BRINP1: variants seen among roughly 807,000 people sequenced by gnomAD.
BRINP1 encodes BMP/retinoic acid inducible neural specific 1.
In BRINP1, 17 loss-of-function variants were observed where a neutral mutation model predicts 72.9. The ratio of observed to expected loss-of-function variants is 0.23; its 90% CI spans 0.16 to 0.35. The LOEUF (loss-of-function observed/expected upper bound fraction) is 0.35, where lower values mean the gene tolerates loss of function less well. Among genes scored for constraint, BRINP1 ranks in the 10% least tolerant of loss-of-function variants. The pLI, the probability that BRINP1 is intolerant of heterozygous loss-of-function variation, is 1.00. For synonymous variants in BRINP1, 418 were observed against 378.5 expected, an observed-to-expected ratio of 1.10 and a Z score of -1.21; for missense variants, 850 against 1,001.6, an observed-to-expected ratio of 0.85 and a Z score of 2.04.
intron 1 of BRINP1, among the ~76,000 whole-genome samples, chr9:119,329,289 C>G (rs374109839): frequency 6.6e-6 from 1 of 152,134 alleles, no homozygotes; most frequent in Non-Finnish European, 1.5e-5. Flanking sequence ...CAGGTCCCTA[C>G]TGAAATCAGG....
At chr9:119,234,507 A>G (rs1204611613) in intron 5 of BRINP1, among the ~76,000 whole-genome samples, 2 of 152,096 alleles carry the variant, frequency 1.3e-5, no homozygotes, top group Admixed American at 6.6e-5. Context: ...AAAAATATGT[A>G]TATTCTGTAT....
chr9:119,167,883 T>C lies in BRINP1; in HGVS notation c.1487A>G (p.Asp496Gly), dbSNP rs1297106902. The C allele has an allele frequency of 1.2e-6, 2 of 1,613,960 alleles. No individual in the cohort carries two copies. The highest frequency in any genetic ancestry group is 1.7e-6 in the Non-Finnish European group (2 of 1,179,982). Residue 496 changes from aspartate to glycine, a missense_variant, in exon 8 of 8, where the codon GAC becomes GGC. By Grantham distance (94) the Asp-to-Gly change is moderately conservative (BLOSUM62 -1). Coordinates refer to ENST00000265922, the MANE Select transcript of BRINP1 (RefSeq NM_014618.3). The surrounding 1 kb of genome is among the most constrained non-coding windows in gnomAD (Gnocchi z 4.3). ...GGTGGTGTGGACGTAGAGGCGTGAG[T>C]CCATCTTCTGCAGCAGGTACTTCAG... is the stretch of plus-strand genomic sequence containing the variant. ...LELKYLLQKM[D>G]SRLYVHTTFI...
chr9:119,230,354 C>T (rs905789564), intron 5 of BRINP1, among the ~76,000 whole-genome samples: 1 of 151,986 alleles, frequency 6.6e-6, no homozygotes, highest in Non-Finnish European at 1.5e-5. Context: ...AAGCGAGAAT[C>T]TGATTTGGCT....
intron 2 of BRINP1, among the ~76,000 whole-genome samples, chr9:119,286,193 T>G (rs976784523): frequency 3.3e-4 from 51 of 152,244 alleles, no homozygotes; most frequent in African/African-American, 1.2e-3. Context: ...ATATATGATC[T>G]GCATAGCTGA....
At chr9:119,361,121 C>T (rs888973928) in intron 1 of BRINP1, among the ~76,000 whole-genome samples, 5 of 152,044 alleles carry the variant, frequency 3.3e-5, no homozygotes, top group Non-Finnish European at 7.4e-5. Flanking sequence ...GCAGGAAGTC[C>T]GGGTAATTTA....
At chr9:119,169,766 G>C (rs1360700558) in intron 7 of BRINP1, among the ~76,000 whole-genome samples, 1 of 152,246 alleles carries the variant, frequency 6.6e-6, no homozygotes, top group African/African-American at 2.4e-5. Context: ...GGTTCTCCCA[G>C]CATGCAGCTG....
chr9:119,238,875 T>C, intron 4 of BRINP1, 115 bp from the exon 5 acceptor site: 1 of 618,782 alleles, frequency 1.6e-6, no homozygotes, highest in Non-Finnish European at 2.8e-6. Flanking sequence ...CTGGTTTGAG[T>C]CAATGGTCAC....
intron 5 of BRINP1, among the ~76,000 whole-genome samples, chr9:119,224,264 C>T (rs559673413): frequency 2.3e-4 from 35 of 152,152 alleles, no homozygotes; most frequent in African/African-American, 7.2e-4. Context: ...GAAGACCTCT[C>T]TAACTTTTAT....
chr9:119,297,702 T>G (rs1464489313), intron 2 of BRINP1, among the ~76,000 whole-genome samples: 1 of 152,206 alleles, frequency 6.6e-6, no homozygotes, highest in Non-Finnish European at 1.5e-5. Context: ...CTTTCTCCCA[T>G]TATCCTGCTC....
At chr9:119,286,842 G>C (rs1009977966) in intron 2 of BRINP1, among the ~76,000 whole-genome samples, 2 of 152,130 alleles carry the variant, frequency 1.3e-5, no homozygotes, top group African/African-American at 4.8e-5. Flanking sequence ...CACGATTTTG[G>C]TCAAGACGCC....
At chr9:119,208,506 G>A (rs1043039166) in intron 7 of BRINP1, among the ~76,000 whole-genome samples, 4 of 152,098 alleles carry the variant, frequency 2.6e-5, no homozygotes, top group African/African-American at 7.2e-5. Flanking sequence ...GAAAATTCAT[G>A]GTACATTCAG....
At chr9:119,200,677 T>C (rs1829796563) in intron 7 of BRINP1, among the ~76,000 whole-genome samples, 1 of 142,212 alleles carries the variant, frequency 7.0e-6, no homozygotes, top group African/African-American at 2.6e-5. Context: ...GATATACTGG[T>C]AAACTGGATG....
intron 2 of BRINP1, among the ~76,000 whole-genome samples, chr9:119,285,107 G>A (rs1334563808): frequency 2.0e-5 from 3 of 151,652 alleles, no homozygotes; most frequent in South Asian, 2.1e-4. Flanking sequence ...TGCATCGCAC[G>A]GTTCCCAAGG....
intron 5 of BRINP1, among the ~76,000 whole-genome samples, chr9:119,219,764 G>A (rs2118883766): frequency 6.6e-6 from 1 of 151,614 alleles, no homozygotes; most frequent in African/African-American, 2.4e-5. Flanking sequence ...AGTTTTTCAG[G>A]GAACACAGGG....
At chr9:119,285,774 A>G (rs1349756541) in intron 2 of BRINP1, among the ~76,000 whole-genome samples, 2 of 151,986 alleles carry the variant, frequency 1.3e-5, no homozygotes, top group Non-Finnish European at 2.9e-5. Context: ...GTGCCTTGGT[A>G]GTGGTGTGTA....
At chr9:119,210,660 AAT>A (rs1192652035) in intron 6 of BRINP1, among the ~76,000 whole-genome samples, 2 of 152,178 alleles carry the variant, frequency 1.3e-5, no homozygotes, top group Non-Finnish European at 2.9e-5. Flanking sequence ...GAAAACAGTA[AAT>A]AAAAGGTGAT....
At chr9:119,320,202 G>C (rs1465826135) in intron 1 of BRINP1, among the ~76,000 whole-genome samples, 1 of 152,138 alleles carries the variant, frequency 6.6e-6, no homozygotes, top group Admixed American at 6.5e-5. Flanking sequence ...GGTGTGTGCT[G>C]GGGATAGCAC....
At chr9:119,234,913 G>A (rs1830180412) in intron 5 of BRINP1, among the ~76,000 whole-genome samples, 1 of 151,932 alleles carries the variant, frequency 6.6e-6, no homozygotes, top group South Asian at 2.1e-4. Flanking sequence ...ATATTATCTT[G>A]AGTCATAGAT....
intron 5 of BRINP1, among the ~76,000 whole-genome samples, chr9:119,216,398 G>A (rs904487430): frequency 5.3e-5 from 8 of 152,162 alleles, no homozygotes; most frequent in Non-Finnish European, 1.0e-4. Flanking sequence ...CAATGAGTCC[G>A]TATGGGTTTG....
Sources: allele counts gnomAD v4.1 joint callset (sites outside exome capture counted in the v4.1 genomes callset), GRCh38; gene constraint gnomAD v4.1.1; non-coding constraint Gnocchi (gnomAD v3.1); transcripts MANE v1.5; gene names NCBI Gene and HGNC (gene_info 2026-07-23, HGNC 2026-07-21).